NAV2: variants seen among roughly 807,000 people sequenced by gnomAD.
The protein encoded by NAV2 is helicase, APC down-regulated 1.
NAV2 carries 54 observed loss-of-function variants against 223.2 expected under a neutral mutation model. The observed-to-expected ratio is 0.24, with a 90% CI of 0.19 to 0.30. NAV2 has a LOEUF of 0.30. Among genes scored for constraint, NAV2 ranks in the 10% least tolerant of loss-of-function variants. The probability of loss-of-function intolerance (pLI) is 1.00; values close to 1 mark genes in which losing one functional copy is unlikely to be tolerated. For missense variants in NAV2, 2,806 were observed against 3,147.5 expected (o/e 0.89, Z 2.60); for synonymous variants, 1,279 against 1,239.3 (o/e 1.03, Z -0.67).
chr11:20,115,441 G>GAGATCACC (rs2062980644), intron 37 of NAV2, among the ~76,000 whole-genome samples: 1 of 151,928 alleles, frequency 6.6e-6, no homozygotes, highest in Non-Finnish European at 1.5e-5. Context: ...GACCATCCTG[G>GAGATCACC]CTAACATGGT....
intron 1 of NAV2, among the ~76,000 whole-genome samples, chr11:19,767,132 C>T (rs2055294838): frequency 6.6e-6 from 1 of 152,184 alleles, no homozygotes; most frequent in African/African-American, 2.4e-5. Flanking sequence ...TGAAAAGATA[C>T]AAGAATCTCT....
chr11:19,532,532 A>G (rs545229553), intron 1 of NAV2, among the ~76,000 whole-genome samples: 2 of 152,268 alleles, frequency 1.3e-5, no homozygotes, highest in South Asian at 4.1e-4. Flanking sequence ...TTGAACATCT[A>G]CTAGGTGATT....
chr11:20,104,410 C>T (rs2061872213), intron 34 of NAV2: 1 of 152,498 alleles, frequency 6.6e-6, no homozygotes, highest in African/African-American at 2.4e-5. Context: ...GGCTAGGACC[C>T]CCGGCTCATT....
intron 1 of NAV2, among the ~76,000 whole-genome samples, chr11:19,358,256 A>G (rs765770405): frequency 3.3e-5 from 5 of 152,218 alleles, no homozygotes; most frequent in Non-Finnish European, 5.9e-5. Flanking sequence ...GCTTCTTCCA[A>G]AGATGAGGAA....
At chr11:19,743,446 G>A (rs761647823) in intron 1 of NAV2, among the ~76,000 whole-genome samples, 3 of 152,198 alleles carry the variant, frequency 2.0e-5, no homozygotes, top group Admixed American at 6.5e-5. Context: ...TCTTCCACCC[G>A]TGCTGTGAGT....
chr11:19,812,155 C>T (rs904017061), intron 1 of NAV2, among the ~76,000 whole-genome samples: 2 of 152,084 alleles, frequency 1.3e-5, no homozygotes, highest in Non-Finnish European at 2.9e-5. Context: ...TGCCACCCCC[C>T]ACAATTTCTG....
intron 1 of NAV2, among the ~76,000 whole-genome samples, chr11:19,435,565 A>G (rs964851302): frequency 2.6e-5 from 4 of 152,102 alleles, no homozygotes; most frequent in African/African-American, 9.7e-5. Context: ...TTTGACATTG[A>G]TTTCAATTCC....
intron 1 of NAV2, among the ~76,000 whole-genome samples, chr11:19,646,935 C>T (rs1299252335): frequency 6.6e-6 from 1 of 152,186 alleles, no homozygotes; most frequent in Admixed American, 6.5e-5. Flanking sequence ...GGACAGCCCC[C>T]TCCCATACTC....
intron 1 of NAV2, among the ~76,000 whole-genome samples, chr11:19,680,868 C>G (rs1017432774): frequency 1.3e-5 from 2 of 152,174 alleles, no homozygotes; most frequent in African/African-American, 4.8e-5. Context: ...CCTGTCATTT[C>G]AGTAAAGCCA....
intron 1 of NAV2, among the ~76,000 whole-genome samples, chr11:19,606,900 C>T (rs1165855365): frequency 8.5e-5 from 13 of 152,232 alleles, no homozygotes; most frequent in Non-Finnish European, 1.9e-4. Context: ...GCTCAGGCCC[C>T]ACCCCAGATC....
rs543469483 is a variant in NAV2, at chr11:19,600,664, T to A, written c.76-231820T>A. Among the ~76,000 whole-genome samples the A allele has an allele frequency of 3.3e-5, 5 of 152,322 alleles. No homozygotes were observed. In the South Asian group the frequency reaches 1.0e-3, roughly 32 times the overall value. On this transcript the variant is annotated intron_variant, in intron 1 of 37. Transcript: ENST00000360655. ...TTTCTTAGCTTCCTTGAGCCTCAAT[T>A]TCTATAGCTGCGAAATGGGGATAAC...
chr11:20,061,291 C>T (rs1004959614), intron 19 of NAV2, among the ~76,000 whole-genome samples: 4 of 152,116 alleles, frequency 2.6e-5, no homozygotes, highest in African/African-American at 4.8e-5. Context: ...ATGTCTTGGC[C>T]GGGCGCGGTG....
At chr11:19,404,151 G>A (rs1849796833) in intron 1 of NAV2, among the ~76,000 whole-genome samples, 1 of 152,304 alleles carries the variant, frequency 6.6e-6, no homozygotes, top group Admixed American at 6.5e-5. Context: ...GAGCCCAATT[G>A]CTCGGGGCCC....
At chr11:19,397,419 G>GTGTGTGTGTGTGTGTGCA (rs1554919831) in intron 1 of NAV2, among the ~76,000 whole-genome samples, 5 of 70,514 alleles carry the variant, frequency 7.1e-5, no homozygotes, top group Non-Finnish European at 1.4e-4. Flanking sequence ...GTGTGTGTGT[G>GTGTGTGTGTGTGTGTGCA]CGCGCATGTG....
intron 1 of NAV2, among the ~76,000 whole-genome samples, chr11:19,779,451 T>C (rs2056566581): frequency 6.6e-6 from 1 of 152,252 alleles, no homozygotes; most frequent in East Asian, 1.9e-4. Context: ...AGTTTGCATT[T>C]TGTTCATTCA....
chr11:19,712,912 T>C lies in NAV2; in HGVS notation c.-784T>C, dbSNP rs2152312430. 6.6e-6 allele frequency among the ~76,000 whole-genome samples: 1 copy of C among 151,386 alleles called. No homozygotes were observed. The highest frequency in any genetic ancestry group is 1.9e-4 in the East Asian group (1 of 5,138). ...CGGCGGCCGCTCCCGAGCGCAGCCC[T>C]GCCCGGCCCGCCAGCCGCGCGTCCC... On this transcript the variant is annotated 5_prime_UTR_variant, in exon 1 of 38. Coordinates refer to ENST00000349880, the MANE Select transcript of NAV2 (RefSeq NM_145117.5).
upstream of NAV2, among the ~76,000 whole-genome samples, chr11:19,708,664 G>A (rs147651071): frequency 6.6e-6 from 1 of 152,302 alleles, no homozygotes; most frequent in African/African-American, 2.4e-5. Flanking sequence ...AGAGAGGGGT[G>A]CAGCTGGCAC....
At chr11:19,580,323 C>T (rs961288514) in intron 1 of NAV2, among the ~76,000 whole-genome samples, 14 of 149,500 alleles carry the variant, frequency 9.4e-5, no homozygotes, top group Non-Finnish European at 1.2e-4. Flanking sequence ...GGAAGTATCA[C>T]ATTTTTCTTT....
intron 12 of NAV2, among the ~76,000 whole-genome samples, chr11:20,037,862 C>T (rs887171937): frequency 8.5e-5 from 13 of 152,126 alleles, no homozygotes; most frequent in Admixed American, 5.2e-4. Flanking sequence ...TCCTGAGGCT[C>T]ATTGTATATT....
Sources: gnomAD v4.1 joint callset for allele counts (sites outside exome capture counted in the v4.1 genomes callset) on GRCh38, gnomAD v4.1.1 for gene constraint, MANE v1.5 for transcripts, NCBI Gene and HGNC (gene_info 2026-07-23, HGNC 2026-07-21) for gene names.